Variants in SLC25A15 observed in about 807,000 individuals in gnomAD.
SLC25A15 encodes the protein mitochondrial ornithine transporter 1.
Under a neutral mutation model 32.3 loss-of-function variants are expected in SLC25A15, and 24 were observed. The observed-to-expected ratio is 0.74, with a 90% confidence interval of 0.54 to 1.04. SLC25A15 has a LOEUF of 1.04. SLC25A15 is among the 50% of genes least tolerant of loss of function. SLC25A15 has a pLI of 0.00. For missense variants in SLC25A15, 317 were observed against 374.5 expected (o/e 0.85, Z 1.27); for synonymous variants, 132 against 142.1 (o/e 0.93, Z 0.51).
chr13:40,799,778 C>A (rs1881810401), intron 3 of SLC25A15, among the ~76,000 whole-genome samples: 1 of 152,200 alleles, frequency 6.6e-6, no homozygotes, highest in Admixed American at 6.5e-5. Flanking sequence ...TGCACTGAAA[C>A]TGTAGATGCT....
intron 3 of SLC25A15, among the ~76,000 whole-genome samples, chr13:40,804,543 A>ATTT (rs11354749): frequency 2.2e-5 from 3 of 136,102 alleles, no homozygotes; most frequent in South Asian, 2.3e-4. Context: ...TCCTTTCATC[A>ATTT]TTTTTTTTTT....
At position 40,799,480 on chromosome 13, in the gene SLC25A15, C is replaced by T. The variant is rs184154581; in HGVS notation, c.314+165C>T. On this transcript the variant is annotated intron_variant, in intron 3 of 6. Coordinates refer to ENST00000338625, the MANE Select transcript of SLC25A15 (RefSeq NM_014252.4). ...AGCCTGGGCAACACAGCAAGATCCT[C>T]ATCTCTACAAAAAAATAAAAATTAA... Among the ~76,000 whole-genome samples, 10 of 152,104 alleles carry T rather than the reference C, an allele frequency of 6.6e-5. No individual in the cohort carries two copies. In the East Asian group the frequency reaches 1.7e-3, roughly 26 times the overall value.
chr13:40,799,409 G>T, intron 3 of SLC25A15, 94 bp downstream of exon 3: 1 of 1,521,384 alleles, frequency 6.6e-7, no homozygotes, highest in African/African-American at 1.4e-5. Context: ...CCAGCACTTT[G>T]GGAGGCAAAG....
chr13:40,803,753 A>T (rs1241548935), intron 3 of SLC25A15, among the ~76,000 whole-genome samples: 1 of 152,176 alleles, frequency 6.6e-6, no homozygotes, highest in South Asian at 2.1e-4. Context: ...TGAACTGGAA[A>T]ATCTTTTTGT....
rs1178789932 is a variant in SLC25A15 at position 40,811,261 on chromosome 13, C to T, written c.*1594C>T. Among the ~76,000 whole-genome samples the T allele has an allele frequency of 2.6e-5, 4 of 152,122 alleles. No individual in the cohort carries two copies. Among genetic ancestry groups the T allele is most frequent in the African/African-American group, 4.8e-5 (2 of 41,450 alleles). On this transcript the variant is annotated 3_prime_UTR_variant, in exon 7 of 7. Transcript: ENST00000338625. Reference sequence around the variant, plus strand: ...ATCCCAGCACTTTGGGAGGCTGAGGCGGGCGGGTCACAAGGTCAGGAGTTC... The same window carrying T: ...ATCCCAGCACTTTGGGAGGCTGAGGTGGGCGGGTCACAAGGTCAGGAGTTC...
rs779433260 is a variant in SLC25A15, at chr13:40,799,048, T to C, written c.56-9T>C. Reference sequence around the variant, plus strand: ...CTCGTACTAGAGCAGTCATCTGTCCTGATTGCAGGAGGTACAGCATGTGTA... The same window carrying C: ...CTCGTACTAGAGCAGTCATCTGTCCCGATTGCAGGAGGTACAGCATGTGTA... On this transcript the variant is annotated splice_polypyrimidine_tract_variant and intron_variant, in intron 2 of 6. Coordinates refer to ENST00000338625, the MANE Select transcript of SLC25A15 (RefSeq NM_014252.4). The C allele has an allele frequency of 1.2e-6, 2 of 1,614,212 alleles. No individual in the cohort carries two copies. The highest frequency in any genetic ancestry group is 2.2e-5 in the East Asian group (1 of 44,884).
chr13:40,804,882 CTT>C (rs1010657157), intron 3 of SLC25A15, among the ~76,000 whole-genome samples: 6 of 152,012 alleles, frequency 3.9e-5, no homozygotes, highest in African/African-American at 1.2e-4. Flanking sequence ...GGAGGTCTCT[CTT>C]TGTTTCCCAA....
Position 40,809,725 on chromosome 13 carries a change from G to C in SLC25A15, c.*58G>C. On this transcript the variant is annotated 3_prime_UTR_variant, in exon 7 of 7. Coordinates refer to ENST00000338625, the MANE Select transcript of SLC25A15 (RefSeq NM_014252.4). Reference sequence around the variant, plus strand: ...GTTTGAGGACTACAGTTCATCTCAGGGTTTCTTGGAGTACAAGACCAGTGT... The same window carrying C: ...GTTTGAGGACTACAGTTCATCTCAGCGTTTCTTGGAGTACAAGACCAGTGT... The C allele has an allele frequency of 1.9e-6, 3 of 1,596,798 alleles. No individual in the cohort carries two copies. The highest frequency in any genetic ancestry group is 2.6e-6 in the Non-Finnish European group (3 of 1,167,554).
intron 1 of SLC25A15, among the ~76,000 whole-genome samples, chr13:40,792,279 C>T (rs1456855509): frequency 5.9e-5 from 9 of 152,224 alleles, no homozygotes; most frequent in Admixed American, 5.9e-4. Context: ...GATTTGGACA[C>T]AACGGCCCAG....
intron 1 of SLC25A15, among the ~76,000 whole-genome samples, chr13:40,790,801 G>C (rs1386645789): frequency 6.6e-6 from 1 of 152,138 alleles, no homozygotes; most frequent in Non-Finnish European, 1.5e-5. Flanking sequence ...TGGTCAGGCT[G>C]GTCTCGAACT....
intron 3 of SLC25A15, among the ~76,000 whole-genome samples, chr13:40,802,637 G>T (rs111609205): frequency 0.068 from 10,205 of 150,488 alleles, 917 homozygotes; most frequent in African/African-American, 0.2. Context: ...GTGCAGTGGC[G>T]CAATCTTAAC....
rs962015601 is a variant in SLC25A15 at position 40,811,946 on chromosome 13, G to A, written c.*2279G>A. The stretch of plus-strand genomic sequence containing the variant: ...GGCTGACAAACATCAGGGGACATCT[G>A]GGGAGGAGATCCCTGTCATGTCTCT... On this transcript the variant is annotated 3_prime_UTR_variant, in exon 7 of 7. Transcript: ENST00000338625. Among the ~76,000 whole-genome samples the A allele has an allele frequency of 6.6e-6, 1 of 152,210 alleles. No individual in the cohort carries two copies. Among genetic ancestry groups the A allele is most frequent in the East Asian group, 1.9e-4 (1 of 5,196 alleles).
At chr13:40,793,915 A>G (rs1881589557) in intron 2 of SLC25A15, among the ~76,000 whole-genome samples, 1 of 152,234 alleles carries the variant, frequency 6.6e-6, no homozygotes, top group South Asian at 2.1e-4. Context: ...TATGCAGGTG[A>G]TGTGGTTCTT....
At position 40,807,312 on chromosome 13, in the gene SLC25A15, C is replaced by T. The variant is rs1882227528; in HGVS notation, c.471C>T (p.Ile157=). The T allele has an allele frequency of 6.2e-7, 1 of 1,614,028 alleles. No homozygotes were observed. Among genetic ancestry groups the T allele is most frequent in the South Asian group, 1.1e-5 (1 of 91,082 alleles). ...CTCCCAGTACAGTGTGGTCTGTCAT[C>T]AAAAGTATTCTTAGGAAAGATGGCC... is the stretch of plus-strand genomic sequence containing the variant. ...AKSQNTVWSV[I]KSILRKDGPL... is the part of the protein sequence containing the mutation. The change falls in exon 5 of 7, where the codon ATC becomes ATT. Residue 157 remains isoleucine (I), a synonymous_variant. Coordinates refer to ENST00000338625, the MANE Select transcript of SLC25A15 (RefSeq NM_014252.4).
intron 3 of SLC25A15, among the ~76,000 whole-genome samples, chr13:40,802,644 T>TA (rs1252363344): frequency 6.6e-6 from 1 of 151,822 alleles, no homozygotes; most frequent in Non-Finnish European, 1.5e-5. Context: ...GGCGCAATCT[T>TA]AACTCATTGC....
At chr13:40,801,371 C>G (rs2138048913) in intron 3 of SLC25A15, among the ~76,000 whole-genome samples, 1 of 151,806 alleles carries the variant, frequency 6.6e-6, no homozygotes, top group South Asian at 2.1e-4. Context: ...GGGAAATGCT[C>G]TCTTAGAGTC....
chr13:40,791,894 T>C (rs1881518874), intron 1 of SLC25A15, among the ~76,000 whole-genome samples: 2 of 152,280 alleles, frequency 1.3e-5, no homozygotes, highest in South Asian at 4.1e-4. Flanking sequence ...TTAAACAACT[T>C]CTCCACGGCC....
At chr13:40,793,396 C>T in intron 2 of SLC25A15, 115 bp downstream of exon 2, 2 of 886,018 alleles carry the variant, frequency 2.3e-6, no homozygotes. Flanking sequence ...TGTTTAGATA[C>T]ATTTAGATAC....
At chr13:40,795,118 G>A (rs1328045756) in intron 2 of SLC25A15, among the ~76,000 whole-genome samples, 3 of 152,088 alleles carry the variant, frequency 2.0e-5, no homozygotes, top group Non-Finnish European at 4.4e-5. Context: ...AGCCTCCCAA[G>A]CCCCTTTCCC....
Sources: gnomAD v4.1 joint callset for allele counts (sites outside exome capture counted in the v4.1 genomes callset) on GRCh38, gnomAD v4.1.1 for gene constraint, MANE v1.5 for transcripts, NCBI Gene and HGNC (gene_info 2026-07-23, HGNC 2026-07-21) for gene names.